The following DLG2 variants were observed in gnomAD, a reference collection of about 807,000 sequenced individuals.
DLG2 encodes the protein disks large homolog 2.
Under a neutral mutation model 132.5 loss-of-function variants are expected in DLG2, and 45 were observed. That is an observed-to-expected ratio of 0.34 (90% confidence interval 0.27 to 0.44). The LOEUF (loss-of-function observed/expected upper bound fraction) is 0.44, where lower values mean the gene tolerates loss of function less well. Ranked by LOEUF, DLG2 falls within the 20% of genes least tolerant of loss-of-function variation. The pLI is 1.00. For missense variants in DLG2, 1,045 were observed against 1,196.9 expected (o/e 0.87, Z 1.87); for synonymous variants, 424 against 419.6 (o/e 1.01, Z -0.13).
chr11:84,877,143 G>C (rs940656571), intron 6 of DLG2, among the ~76,000 whole-genome samples: 8 of 152,150 alleles, frequency 5.3e-5, no homozygotes, highest in Non-Finnish European at 1.0e-4. Context: ...ATGTGGTGCT[G>C]AGAAGAATGT....
intron 18 of DLG2, 146 bp downstream of exon 18, chr11:83,786,544 T>C: frequency 1.6e-6 from 1 of 643,652 alleles, no homozygotes. Flanking sequence ...TTCACGTTCT[T>C]TGGACATGAA....
chr11:83,969,635 G>A (rs1178877283), intron 12 of DLG2, among the ~76,000 whole-genome samples: 1 of 152,044 alleles, frequency 6.6e-6, no homozygotes, highest in Non-Finnish European at 1.5e-5. Context: ...GTGCCATGGC[G>A]TGATCTTGGC....
chr11:83,503,701 G>A (rs1420154686), intron 21 of DLG2, among the ~76,000 whole-genome samples: 1 of 151,874 alleles, frequency 6.6e-6, no homozygotes, highest in African/African-American at 2.4e-5. Context: ...CTGGTTAGAT[G>A]GTACCCACAC....
intron 9 of DLG2, among the ~76,000 whole-genome samples, chr11:84,150,448 A>G (rs893141323): frequency 2.6e-5 from 4 of 152,200 alleles, no homozygotes; most frequent in Non-Finnish European, 4.4e-5. Flanking sequence ...GAAGTGCTTC[A>G]TCAGTTCTAG....
intron 6 of DLG2, among the ~76,000 whole-genome samples, chr11:85,067,593 T>A (rs532742908): frequency 6.6e-6 from 1 of 151,884 alleles, no homozygotes; most frequent in Non-Finnish European, 1.5e-5. Context: ...CAGGAAGAAG[T>A]TGAATCCCTG....
At chr11:84,220,283 G>A (rs118116841) in intron 8 of DLG2, among the ~76,000 whole-genome samples, 2,526 of 152,188 alleles carry the variant, frequency 0.017, 38 homozygotes, top group Non-Finnish European at 0.024. Context: ...ACAGATTACC[G>A]ATTTATGTAC....
chr11:84,439,293 C>T (rs2099010398), intron 7 of DLG2, among the ~76,000 whole-genome samples: 1 of 152,142 alleles, frequency 6.6e-6, no homozygotes, highest in African/African-American at 2.4e-5. Context: ...CTTTCCTGCC[C>T]TATGAGTCTA....
At chr11:85,586,335 C>T (rs145794901) in intron 3 of DLG2, among the ~76,000 whole-genome samples, 23 of 152,252 alleles carry the variant, frequency 1.5e-4, no homozygotes, top group African/African-American at 4.8e-4. Context: ...CCATCTGGTC[C>T]TGGACTTTTT....
At chr11:84,690,824 T>C (rs1449145726) in intron 6 of DLG2, among the ~76,000 whole-genome samples, 1 of 151,930 alleles carries the variant, frequency 6.6e-6, no homozygotes, top group Non-Finnish European at 1.5e-5. Context: ...CCTAGGTTTA[T>C]CTGATTCCAA....
chr11:83,810,935 C>T (rs2047102900), intron 17 of DLG2, among the ~76,000 whole-genome samples: 1 of 152,040 alleles, frequency 6.6e-6, no homozygotes, highest in African/African-American at 2.4e-5. Context: ...GAAAGTCAAG[C>T]TTTCTATGCA....
chr11:83,510,794 G>A (rs1029935020), intron 21 of DLG2, among the ~76,000 whole-genome samples: 2 of 149,148 alleles, frequency 1.3e-5, no homozygotes, highest in Middle Eastern at 3.6e-3. Context: ...TACAATGTGA[G>A]AGCATGTGAG....
chr11:83,509,669 G>T lies in DLG2; in HGVS notation c.2193+23039C>A, dbSNP rs74334858. ...CAAGAAATATACCTTGTGAGTTAGT[G>T]TATGTTGTAAGTAATGGGTTATAGA... On this transcript the variant is annotated intron_variant, in intron 21 of 27. Transcript: ENST00000376104. 6.9e-3 allele frequency among the ~76,000 whole-genome samples: 1,055 copies of T among 152,210 alleles called. 17 individuals carry two copies. Among genetic ancestry groups the T allele is most frequent in the African/African-American group, 0.025 (1,022 of 41,532 alleles).
At chr11:84,813,093 A>G (rs1340175332) in intron 6 of DLG2, among the ~76,000 whole-genome samples, 1 of 152,104 alleles carries the variant, frequency 6.6e-6, no homozygotes, top group Non-Finnish European at 1.5e-5. Context: ...CATATATAAG[A>G]GTGAATATAT....
chr11:85,058,432 A>G (rs2154157830), intron 6 of DLG2, among the ~76,000 whole-genome samples: 1 of 151,692 alleles, frequency 6.6e-6, no homozygotes, highest in East Asian at 1.9e-4. Context: ...CCATTAAATT[A>G]TAAGCTCAAA....
At chr11:83,767,067 C>T (rs763751316) in intron 18 of DLG2, among the ~76,000 whole-genome samples, 9 of 152,278 alleles carry the variant, frequency 5.9e-5, no homozygotes, top group Middle Eastern at 6.8e-3. Flanking sequence ...TAGGCACATC[C>T]AGATAATCTA....
At chr11:84,597,947 C>T (rs1484837817) in intron 6 of DLG2, among the ~76,000 whole-genome samples, 1 of 152,142 alleles carries the variant, frequency 6.6e-6, no homozygotes, top group East Asian at 1.9e-4. Context: ...TAAATGATAC[C>T]ATGAGAATAG....
intron 20 of DLG2, among the ~76,000 whole-genome samples, chr11:83,536,155 C>T (rs2095871957): frequency 6.6e-6 from 1 of 152,188 alleles, no homozygotes; most frequent in African/African-American, 2.4e-5. Flanking sequence ...CTTGCATCCC[C>T]ATCTCCCTAA....
intron 7 of DLG2, among the ~76,000 whole-genome samples, chr11:84,421,301 A>G (rs1022634975): frequency 6.6e-6 from 1 of 152,178 alleles, no homozygotes; most frequent in Non-Finnish European, 1.5e-5. Flanking sequence ...ACTGATTAAG[A>G]CAGGCTTTTA....
intron 7 of DLG2, among the ~76,000 whole-genome samples, chr11:84,316,386 C>T (rs1378300309): frequency 6.6e-6 from 1 of 152,078 alleles, no homozygotes; most frequent in Non-Finnish European, 1.5e-5. Flanking sequence ...GAATAGCATA[C>T]TTCAAATCAC....
Sources: allele counts gnomAD v4.1 joint callset (sites outside exome capture counted in the v4.1 genomes callset), GRCh38; gene constraint gnomAD v4.1.1; transcripts MANE v1.5; gene names NCBI Gene and HGNC (gene_info 2026-07-23, HGNC 2026-07-21).